RANBP17: variants seen among roughly 807,000 people sequenced by gnomAD.
RANBP17 encodes the protein RAN binding protein 17.
Under a neutral mutation model 141.2 loss-of-function variants are expected in RANBP17, and 158 were observed. The observed-to-expected ratio is 1.12, with a 90% CI of 0.98 to 1.28. RANBP17 has a LOEUF of 1.28. Ranked by LOEUF, RANBP17 falls within the 50% of genes most tolerant of loss-of-function variation. The pLI is 0.00. For missense variants in RANBP17, 1,438 were observed against 1,290.7 expected (o/e 1.11, Z -1.75); for synonymous variants, 430 against 450.0 (o/e 0.96, Z 0.56).
At chr5:170,955,323 A>G (rs1233825871) in intron 13 of RANBP17, among the ~76,000 whole-genome samples, 1 of 151,788 alleles carries the variant, frequency 6.6e-6, no homozygotes, top group Non-Finnish European at 1.5e-5. Context: ...GGTTACTAGT[A>G]GAATCAAACA....
intron 14 of RANBP17, among the ~76,000 whole-genome samples, chr5:171,030,934 T>A (rs570442465): frequency 6.6e-6 from 1 of 152,150 alleles, no homozygotes; most frequent in East Asian, 1.9e-4. Context: ...TTAAATAATC[T>A]TTCCTACTTT....
At chr5:171,149,339 A>C (rs1437483698) in intron 14 of RANBP17, among the ~76,000 whole-genome samples, 1 of 152,240 alleles carries the variant, frequency 6.6e-6, no homozygotes, top group African/African-American at 2.4e-5. Context: ...CCCATATCAC[A>C]CAAATAAAAA....
intron 14 of RANBP17, among the ~76,000 whole-genome samples, chr5:171,073,351 A>G (rs1414091624): frequency 6.6e-6 from 1 of 152,204 alleles, no homozygotes; most frequent in Non-Finnish European, 1.5e-5. Flanking sequence ...AGACAAAAAC[A>G]TTGAACTCTA....
intron 3 of RANBP17, among the ~76,000 whole-genome samples, chr5:170,883,571 T>C (rs1350591380): frequency 6.6e-6 from 1 of 152,220 alleles, no homozygotes; most frequent in East Asian, 1.9e-4. Context: ...ATAGTTTTAC[T>C]GCACTAAAAA....
chr5:171,088,951 C>A (rs986667470), intron 14 of RANBP17, among the ~76,000 whole-genome samples: 18 of 151,866 alleles, frequency 1.2e-4, no homozygotes, highest in African/African-American at 4.1e-4. Context: ...CTGAAGCCTT[C>A]TTCTCTCAGC....
chr5:171,214,930 A>G (rs998888390), intron 21 of RANBP17, among the ~76,000 whole-genome samples: 2 of 152,106 alleles, frequency 1.3e-5, no homozygotes, highest in Non-Finnish European at 2.9e-5. Flanking sequence ...TGTGCAGAAC[A>G]TGCAGGTTTG....
chr5:171,071,613 T>A (rs1329490160), intron 14 of RANBP17, among the ~76,000 whole-genome samples: 3 of 149,346 alleles, frequency 2.0e-5, no homozygotes, highest in African/African-American at 7.4e-5. Flanking sequence ...AAAGGGTAGT[T>A]TTTTCAATAA....
chr5:171,074,553 T>C (rs1581567516), intron 14 of RANBP17, among the ~76,000 whole-genome samples: 2 of 152,174 alleles, frequency 1.3e-5, no homozygotes, highest in East Asian at 3.9e-4. Context: ...TAGGAGAAGC[T>C]CAATAGAGGA....
chr5:170,963,547 A>C (rs1776297593), intron 13 of RANBP17, among the ~76,000 whole-genome samples: 2 of 152,242 alleles, frequency 1.3e-5, no homozygotes. Context: ...GGACCGGGGC[A>C]GGGGATGGTT....
intron 14 of RANBP17, among the ~76,000 whole-genome samples, chr5:171,156,670 T>C (rs764653181): frequency 6.6e-6 from 1 of 152,176 alleles, no homozygotes; most frequent in African/African-American, 2.4e-5. Flanking sequence ...TTAAAAGGCA[T>C]GTAATTTATT....
chr5:171,079,032 G>A (rs1191309281), intron 14 of RANBP17, among the ~76,000 whole-genome samples: 4 of 152,102 alleles, frequency 2.6e-5, no homozygotes, highest in African/African-American at 7.2e-5. Context: ...TTCTGGAAAG[G>A]TTTCACCATT....
At chr5:171,275,303 A>G (rs945668430) in intron 25 of RANBP17, among the ~76,000 whole-genome samples, 10 of 152,328 alleles carry the variant, frequency 6.6e-5, no homozygotes, top group South Asian at 4.1e-4. Flanking sequence ...GTATTCTCCT[A>G]TGTACATAAC....
At position 171,105,120 on chromosome 5, in the gene RANBP17, C is replaced by T. The variant is rs1359736391; in HGVS notation, c.1711-65010C>T. Among the ~76,000 whole-genome samples, 17 of 152,044 alleles carry T rather than the reference C, an allele frequency of 1.1e-4. No homozygotes were observed. In the South Asian group the frequency reaches 2.7e-3, roughly 24 times the overall value. On this transcript the variant is annotated intron_variant, in intron 14 of 27. Transcript: ENST00000523189. Reference sequence around the variant, plus strand: ...TTTTCCAGCCGGGCGCGGTGGCTCACGCCTGTAATCCCAGCACTTTGGGAG... The same window carrying T: ...TTTTCCAGCCGGGCGCGGTGGCTCATGCCTGTAATCCCAGCACTTTGGGAG...
intron 14 of RANBP17, among the ~76,000 whole-genome samples, chr5:171,089,275 G>A (rs1367055552): frequency 2.0e-5 from 2 of 98,306 alleles, no homozygotes; most frequent in East Asian, 5.4e-4. Context: ...CTGCTCGGGG[G>A]TCACGGGTCA....
chr5:171,079,879 C>T (rs1007107498), intron 14 of RANBP17, among the ~76,000 whole-genome samples: 28 of 151,942 alleles, frequency 1.8e-4, no homozygotes, highest in African/African-American at 6.3e-4. Flanking sequence ...TAAGGTGTGT[C>T]GGTATTTGGG....
At chr5:171,178,501 A>T (rs1386943124) in intron 16 of RANBP17, among the ~76,000 whole-genome samples, 1 of 152,158 alleles carries the variant, frequency 6.6e-6, no homozygotes, top group East Asian at 1.9e-4. Context: ...GTGTCTTCAT[A>T]GTAGAATGAT....
At chr5:171,278,521 C>T (rs1167636584) in intron 25 of RANBP17, among the ~76,000 whole-genome samples, 1 of 152,044 alleles carries the variant, frequency 6.6e-6, no homozygotes, top group East Asian at 1.9e-4. Context: ...TATAAAGATG[C>T]TGGTCAGCCA....
intron 14 of RANBP17, among the ~76,000 whole-genome samples, chr5:170,992,882 C>G: frequency 6.6e-6 from 1 of 152,158 alleles, no homozygotes; most frequent in East Asian, 1.9e-4. Context: ...TGCAAATTCT[C>G]GAGCCCTGCT....
intron 16 of RANBP17, among the ~76,000 whole-genome samples, 176 bp downstream of exon 16, chr5:171,171,462 T>C (rs781085813): frequency 5.9e-5 from 9 of 152,090 alleles, no homozygotes; most frequent in Non-Finnish European, 1.2e-4. Flanking sequence ...AGCTGTATAC[T>C]ATGAAGCATT....
Sources: allele counts gnomAD v4.1 joint callset (sites outside exome capture counted in the v4.1 genomes callset), GRCh38; gene constraint gnomAD v4.1.1; transcripts MANE v1.5; gene names NCBI Gene and HGNC (gene_info 2026-07-23, HGNC 2026-07-21).